ESS2: variants seen among roughly 807,000 people sequenced by gnomAD.
ESS2 encodes ess-2 spliceosome associated protein.
In ESS2, 31 loss-of-function variants were observed where a neutral mutation model predicts 52.0. The observed-to-expected ratio is 0.60, with a 90% CI of 0.45 to 0.81. ESS2 has a LOEUF of 0.81. Ranked by LOEUF, ESS2 falls within the 30% of genes least tolerant of loss-of-function variation. ESS2 has a pLI of 0.00. For synonymous variants in ESS2, 285 were observed against 259.2 expected, an observed-to-expected ratio of 1.10 and a Z score of -0.95; for missense variants, 602 against 637.2, an observed-to-expected ratio of 0.94 and a Z score of 0.59.
chr22:19,137,001 C>T (rs2083593443), intron 8 of ESS2, among the ~76,000 whole-genome samples: 1 of 152,152 alleles, frequency 6.6e-6, no homozygotes, highest in Non-Finnish European at 1.5e-5. Flanking sequence ...CACACAGCCT[C>T]GTCCTATGGC....
chr22:19,131,303 C>A lies in ESS2; in HGVS notation c.*2893G>T. The A allele has an allele frequency of 8.8e-7, 1 of 1,139,714 alleles. No individual in the cohort carries two copies. The highest frequency in any genetic ancestry group is 1.3e-6 in the Non-Finnish European group (1 of 792,594). 70.6% of individuals were successfully genotyped at this position (1,139,714 alleles called of 1,614,324 possible). A position where few individuals can be genotyped will look rare whatever the true frequency, so the allele number is the denominator to read the frequency against. On this transcript the variant is annotated 3_prime_UTR_variant, in exon 10 of 10. Transcript: ENST00000252137. The surrounding 1 kb of genome is among the most constrained non-coding windows in gnomAD (Gnocchi z 5.7). ...AGTCGAAGCCCAGCCCAGGGCAGCC[C>A]AGCCAGACGCCTCCGGTAGTGTAAA...
chr22:19,142,906 G>GATC lies in ESS2; in HGVS notation c.136-15_136-13dup. 1.2e-6 allele frequency: 2 copies of GATC among 1,608,532 alleles called. No homozygotes were observed. Among genetic ancestry groups the GATC allele is most frequent in the African/African-American group, 1.3e-5 (1 of 74,734 alleles). On this transcript the variant is annotated splice_polypyrimidine_tract_variant and intron_variant, in intron 1 of 9. Transcript: ENST00000252137. ...ACCGTCTGGAGGCCCTGCAAGGAGA[G>GATC]ATCAGAATGAAAGTCAGAGGCCAGG...
chr22:19,137,584 A>C, intron 7 of ESS2, 152 bp from the exon 8 acceptor site: 1 of 934,228 alleles, frequency 1.1e-6, no homozygotes, highest in Non-Finnish European at 1.5e-6. Context: ...GAACCCTGGC[A>C]CCTCCATCCT....
At chr22:19,139,515 C>T in intron 5 of ESS2, 97 bp downstream of exon 5, 1 of 1,311,600 alleles carries the variant, frequency 7.6e-7, no homozygotes. Context: ...TGCAAGGGGG[C>T]ACGGCCATAC....
At chr22:19,143,447 C>G (rs534804454) in intron 1 of ESS2, among the ~76,000 whole-genome samples, 1 of 152,240 alleles carries the variant, frequency 6.6e-6, no homozygotes, top group Non-Finnish European at 1.5e-5. Flanking sequence ...TGAAACCCTT[C>G]TCTCTCGCCC....
chr22:19,135,633 A>G (rs996486272), intron 8 of ESS2, among the ~76,000 whole-genome samples: 3 of 151,922 alleles, frequency 2.0e-5, no homozygotes, highest in Non-Finnish European at 4.4e-5. Context: ...TTTTTCACTC[A>G]TTTACATTTG....
intron 6 of ESS2, 85 bp downstream of exon 6, chr22:19,139,074 C>G: frequency 6.7e-7 from 1 of 1,497,822 alleles, no homozygotes; most frequent in Non-Finnish European, 8.9e-7. Flanking sequence ...CTCTGCCAAG[C>G]TCAAAGAGAT....
intron 3 of ESS2, among the ~76,000 whole-genome samples, chr22:19,140,279 AG>A (rs1224624469): frequency 6.6e-6 from 1 of 152,164 alleles, no homozygotes; most frequent in African/African-American, 2.4e-5. Flanking sequence ...CTGGATGCCA[AG>A]GGAATTACGT....
intron 1 of ESS2, 107 bp from the exon 2 acceptor site, chr22:19,143,001 TC>T (rs2083717891): frequency 8.9e-7 from 1 of 1,121,070 alleles, no homozygotes; most frequent in African/African-American, 1.6e-5. Context: ...GGTCAGAAGT[TC>T]AAGACCAGCC....
chr22:19,139,062 A>G, intron 6 of ESS2, 97 bp downstream of exon 6: 4 of 1,461,146 alleles, frequency 2.7e-6, no homozygotes, highest in Admixed American at 2.4e-5. Context: ...CCACTCACTG[A>G]GCTCTGCCAA....
In ESS2 at chr22:19,132,167, C is replaced by T. The variant is rs768495186; in HGVS notation, c.*2029G>A. The T allele has an allele frequency of 1.1e-5, 18 of 1,613,136 alleles. No homozygotes were observed. The highest frequency in any genetic ancestry group is 1.6e-4 in the Middle Eastern group (1 of 6,080). On this transcript the variant is annotated 3_prime_UTR_variant, in exon 10 of 10. Transcript: ENST00000252137. The surrounding 1 kb of genome is among the most constrained non-coding windows in gnomAD (Gnocchi z 4.2). ...TCATCTACCGCATGCTGCAGCCCGA[C>T]GTCAGCCAGCGGCTCCACATCGATG...
chr22:19,132,421 C>T lies in ESS2; in HGVS notation c.*1775G>A. On this transcript the variant is annotated 3_prime_UTR_variant, in exon 10 of 10. Coordinates refer to ENST00000252137, the MANE Select transcript of ESS2 (RefSeq NM_022719.3). The surrounding 1 kb of genome is among the most constrained non-coding windows in gnomAD (Gnocchi z 4.2). ...ATGGAGGACAGGCTGGCCGAGACCT[C>T]CAGGGCCAAAGACCATCACATCTCC... 1 of 1,612,818 alleles carries T rather than the reference C, an allele frequency of 6.2e-7. No homozygotes were observed. The highest frequency in any genetic ancestry group is 1.1e-5 in the South Asian group (1 of 91,056).
intron 3 of ESS2, among the ~76,000 whole-genome samples, chr22:19,141,121 G>GA (rs202201984): frequency 0.18 from 23,666 of 131,454 alleles, 2,086 homozygotes; most frequent in South Asian, 0.29. Flanking sequence ...ATCTCTATAG[G>GA]AAAAAAAAAA....
rs2083514718 is a variant in ESS2, at chr22:19,132,121, T to C, written c.*2075A>G. On this transcript the variant is annotated 3_prime_UTR_variant, in exon 10 of 10. Transcript: ENST00000252137. The surrounding 1 kb of genome is among the most constrained non-coding windows in gnomAD (Gnocchi z 4.2). Reference sequence around the variant, plus strand: ...GTGGACTTCCCGCGCTCCAAGAACCTGACCTGCGAGTGCAAGGACCTCATC... The same window carrying C: ...GTGGACTTCCCGCGCTCCAAGAACCCGACCTGCGAGTGCAAGGACCTCATC... 6 of 1,612,670 alleles carry C rather than the reference T, an allele frequency of 3.7e-6. No homozygotes were observed. Among genetic ancestry groups the C allele is most frequent in the Non-Finnish European group, 5.1e-6 (6 of 1,178,828 alleles).
rs1211467373 is a variant in ESS2, at chr22:19,132,795, G to A, written c.*1401C>T. 1 of 338,958 alleles carries A rather than the reference G, an allele frequency of 3.0e-6. No homozygotes were observed. Among genetic ancestry groups the A allele is most frequent in the Admixed American group, 4.7e-5 (1 of 21,424 alleles). The allele number at this position is 338,958 out of a possible 1,614,324, so 21.0% of individuals were successfully genotyped here. The stretch of plus-strand genomic sequence containing the variant: ...GTCTCCGGCCTAGGAGCACAGGACA[G>A]ATGCTCAGGTACAGGCAGAATCACA... On this transcript the variant is annotated 3_prime_UTR_variant, in exon 10 of 10. Coordinates refer to ENST00000252137, the MANE Select transcript of ESS2 (RefSeq NM_022719.3). This position sits in a 1 kb window ranked among gnomAD's most constrained non-coding sequence, Gnocchi z 4.2.
At position 19,131,797 on chromosome 22, in the gene ESS2, T is replaced by C. The variant is rs1569102660; in HGVS notation, c.*2399A>G. ...AAGTACTGCCACGACCTGGACATCG[T>C]CCACCGGGACCTCAAGTGCGAGAAC... On this transcript the variant is annotated 3_prime_UTR_variant, in exon 10 of 10. Coordinates refer to ENST00000252137, the MANE Select transcript of ESS2 (RefSeq NM_022719.3). The surrounding 1 kb of genome is among the most constrained non-coding windows in gnomAD (Gnocchi z 5.7). 1.2e-6 allele frequency: 2 copies of C among 1,614,134 alleles called. No individual in the cohort carries two copies. The highest frequency in any genetic ancestry group is 1.7e-6 in the Non-Finnish European group (2 of 1,180,004).
intron 3 of ESS2, among the ~76,000 whole-genome samples, chr22:19,140,597 C>G (rs547569519): frequency 2.0e-5 from 3 of 152,222 alleles, no homozygotes; most frequent in South Asian, 2.1e-4. Flanking sequence ...CCCAAACACC[C>G]CCCCCTCCGA....
chr22:19,139,282 G>T lies in ESS2; in HGVS notation c.699C>A (p.Asp233Glu). 6.3e-7 allele frequency: 1 copy of T among 1,596,468 alleles called. No homozygotes were observed. Residue 233 changes from aspartate (D) to glutamate (E), a missense_variant, in exon 6 of 10, where the codon GAC becomes GAA. By Grantham distance (45) the Asp-to-Glu change is conservative. Transcript: ENST00000252137. ...SLMYYPEGVPDEEQLFKKPRQ... is the reference protein window; with the variant it reads ...SLMYYPEGVPEEEQLFKKPRQ... The stretch of plus-strand genomic sequence containing the variant: ...GGGGCTTCTTAAACAGCTGCTCCTC[G>T]TCAGGGACACCTGGCAGACGAAGCA...
intron 3 of ESS2, among the ~76,000 whole-genome samples, chr22:19,140,324 G>A (rs148625795): frequency 2.4e-4 from 36 of 152,312 alleles, no homozygotes; most frequent in African/African-American, 8.2e-4. Flanking sequence ...CAATACAGGT[G>A]TTAGAGCAAG....
Sources: gnomAD v4.1 joint callset for allele counts (sites outside exome capture counted in the v4.1 genomes callset) on GRCh38, gnomAD v4.1.1 for gene constraint, Gnocchi (gnomAD v3.1) non-coding constraint, MANE v1.5 for transcripts, NCBI Gene and HGNC (gene_info 2026-07-23, HGNC 2026-07-21) for gene names.